CREB5: variants seen among roughly 807,000 people sequenced by gnomAD.
CREB5 encodes cAMP responsive element binding protein 5.
Under a neutral mutation model 57.1 loss-of-function variants are expected in CREB5, and 19 were observed. That is an observed-to-expected ratio of 0.33 (90% CI 0.23 to 0.49). The LOEUF (loss-of-function observed/expected upper bound fraction) is 0.49, where lower values mean the gene tolerates loss of function less well. CREB5 is among the 20% of genes least tolerant of loss of function. The pLI, the probability that CREB5 is intolerant of heterozygous loss-of-function variation, is 0.99. For synonymous variants in CREB5, 238 were observed against 238.3 expected (o/e 1.00, Z 0.01); for missense variants, 579 against 671.6 (o/e 0.86, Z 1.52).
At chr7:28,803,639 C>G (rs1808501608) in intron 7 of CREB5, among the ~76,000 whole-genome samples, 2 of 151,702 alleles carry the variant, frequency 1.3e-5, no homozygotes, top group South Asian at 4.2e-4. Flanking sequence ...TGCCTGTAAT[C>G]CCAGCTACTC....
intron 1 of CREB5, among the ~76,000 whole-genome samples, chr7:28,428,859 C>T (rs898233723): frequency 5.9e-5 from 9 of 152,150 alleles, no homozygotes; most frequent in African/African-American, 2.2e-4. Context: ...ATATCAGGTC[C>T]TCACAGGGAC....
At chr7:28,531,533 A>C (rs1793728030) in intron 4 of CREB5, among the ~76,000 whole-genome samples, 1 of 152,266 alleles carries the variant, frequency 6.6e-6, no homozygotes, top group East Asian at 1.9e-4. Flanking sequence ...GAATGACCTC[A>C]TCTTAACTAA....
At chr7:28,505,155 G>A (rs1198856926) in intron 3 of CREB5, among the ~76,000 whole-genome samples, 3 of 152,178 alleles carry the variant, frequency 2.0e-5, no homozygotes, top group Admixed American at 1.3e-4. Flanking sequence ...ATGAGATGCT[G>A]TATGCAAAGC....
intron 5 of CREB5, among the ~76,000 whole-genome samples, chr7:28,653,367 G>T (rs1178207757): frequency 1.3e-5 from 2 of 152,164 alleles, no homozygotes; most frequent in African/African-American, 4.8e-5. Context: ...GTGTTGACAT[G>T]GCATGCCCTT....
chr7:28,315,069 T>A (rs1583665301), intron 1 of CREB5, among the ~76,000 whole-genome samples: 1 of 152,214 alleles, frequency 6.6e-6, no homozygotes, highest in African/African-American at 2.4e-5. Context: ...GTATCTTATC[T>A]TATCCTTGGT....
chr7:28,606,187 A>G (rs2128673090), intron 5 of CREB5, among the ~76,000 whole-genome samples: 1 of 152,296 alleles, frequency 6.6e-6, no homozygotes. Flanking sequence ...ATAAGATTAA[A>G]ATGTCCATGA....
At chr7:28,724,659 C>T (rs779095375) in intron 7 of CREB5, 2 of 199,520 alleles carry the variant, frequency 1.0e-5, no homozygotes, top group Non-Finnish European at 2.0e-5. Flanking sequence ...TAATACAAAA[C>T]TACTCATTCT....
intron 1 of CREB5, among the ~76,000 whole-genome samples, chr7:28,404,942 A>G (rs1787546110): frequency 6.6e-6 from 1 of 152,204 alleles, no homozygotes; most frequent in Non-Finnish European, 1.5e-5. Context: ...CCAGCTGTGC[A>G]ATTCTGGGTA....
chr7:28,441,743 T>G (rs1183097139), intron 1 of CREB5, among the ~76,000 whole-genome samples: 1 of 152,196 alleles, frequency 6.6e-6, no homozygotes, highest in Non-Finnish European at 1.5e-5. Context: ...AAAACCTCTG[T>G]GTCATTTGCT....
At chr7:28,796,416 A>G (rs1252062838) in intron 7 of CREB5, among the ~76,000 whole-genome samples, 3 of 152,106 alleles carry the variant, frequency 2.0e-5, no homozygotes, top group African/African-American at 7.2e-5. Context: ...TTTTTCATCA[A>G]AAGCTGATAT....
intron 5 of CREB5, among the ~76,000 whole-genome samples, chr7:28,691,162 G>A (rs1048078534): frequency 6.6e-6 from 1 of 152,208 alleles, no homozygotes; most frequent in Non-Finnish European, 1.5e-5. Flanking sequence ...ACTTGTGCCT[G>A]TAATCCCAGC....
At chr7:28,500,101 A>T (rs1792217380) in intron 3 of CREB5, among the ~76,000 whole-genome samples, 1 of 152,238 alleles carries the variant, frequency 6.6e-6, no homozygotes, top group African/African-American at 2.4e-5. Context: ...GCGTTGAACA[A>T]GACAGGTGAG....
chr7:28,581,672 C>T (rs1020464343), intron 5 of CREB5, among the ~76,000 whole-genome samples: 1 of 152,174 alleles, frequency 6.6e-6, no homozygotes. Flanking sequence ...ACCCAACAGC[C>T]TCCAGTTATT....
chr7:28,403,471 G>A (rs1308211636), intron 1 of CREB5, among the ~76,000 whole-genome samples: 1 of 152,100 alleles, frequency 6.6e-6, no homozygotes, highest in Non-Finnish European at 1.5e-5. Flanking sequence ...ATTGTTTTAA[G>A]CATGTTACAT....
At chr7:28,710,572 G>C (rs541082013) in intron 5 of CREB5, among the ~76,000 whole-genome samples, 8 of 152,132 alleles carry the variant, frequency 5.3e-5, no homozygotes, top group Non-Finnish European at 8.8e-5. Flanking sequence ...AGGACTTCTT[G>C]CTCCCAGGAG....
chr7:28,541,527 C>T (rs977006739), intron 4 of CREB5, among the ~76,000 whole-genome samples: 4 of 152,112 alleles, frequency 2.6e-5, no homozygotes, highest in South Asian at 2.1e-4. Flanking sequence ...ATTAGCTGGG[C>T]GTGGTGGCCG....
intron 7 of CREB5, among the ~76,000 whole-genome samples, chr7:28,776,104 G>C (rs1383022945): frequency 1.3e-5 from 2 of 151,964 alleles, no homozygotes; most frequent in African/African-American, 4.8e-5. Flanking sequence ...TTGGGAGGCC[G>C]AGGCGGGCGG....
At chr7:28,481,200 G>A (rs1791316224) in intron 1 of CREB5, among the ~76,000 whole-genome samples, 1 of 152,214 alleles carries the variant, frequency 6.6e-6, no homozygotes, top group South Asian at 2.1e-4. Flanking sequence ...CCTCCTGGGA[G>A]CAGTGGGCCT....
intron 1 of CREB5, among the ~76,000 whole-genome samples, chr7:28,405,417 T>C (rs1401440407): frequency 6.6e-6 from 1 of 152,162 alleles, no homozygotes; most frequent in Non-Finnish European, 1.5e-5. Context: ...GATTGGTCTC[T>C]TTTCCTTTTT....
Sources: allele counts gnomAD v4.1 joint callset (sites outside exome capture counted in the v4.1 genomes callset), GRCh38; gene constraint gnomAD v4.1.1; transcripts MANE v1.5; gene names NCBI Gene and HGNC (gene_info 2026-07-23, HGNC 2026-07-21).